LAMA2: variants seen among roughly 807,000 people sequenced by gnomAD.
LAMA2 encodes the protein laminin subunit alpha 2.
Under a neutral mutation model 364.8 loss-of-function variants are expected in LAMA2, and 269 were observed. That is an observed-to-expected ratio of 0.74 (90% CI 0.67 to 0.82). LAMA2 has a LOEUF of 0.82. Ranked by LOEUF, LAMA2 falls within the 40% of genes least tolerant of loss-of-function variation. The pLI, the probability that LAMA2 is intolerant of heterozygous loss-of-function variation, is 0.00. For missense variants in LAMA2, 3,807 were observed against 3,873.2 expected, an observed-to-expected ratio of 0.98 and a Z score of 0.45; for synonymous variants, 1,379 against 1,370.6, an observed-to-expected ratio of 1.01 and a Z score of -0.14.
chr6:129,166,903 T>C (rs1405864378), intron 9 of LAMA2, among the ~76,000 whole-genome samples: 1 of 152,168 alleles, frequency 6.6e-6, no homozygotes, highest in Admixed American at 6.5e-5. Context: ...AATAACACAT[T>C]ATTATATGGT....
At chr6:129,013,565 TG>T (rs1274151581) in intron 1 of LAMA2, among the ~76,000 whole-genome samples, 1 of 152,102 alleles carries the variant, frequency 6.6e-6, no homozygotes, top group Non-Finnish European at 1.5e-5. Context: ...ATAGAAGGTG[TG>T]GGTTAGAGAA....
intron 18 of LAMA2, among the ~76,000 whole-genome samples, chr6:129,281,724 G>A (rs1373683413): frequency 6.6e-6 from 1 of 152,122 alleles, no homozygotes; most frequent in African/African-American, 2.4e-5. Context: ...ATGATTTCCT[G>A]TCTAAAATCT....
intron 7 of LAMA2, among the ~76,000 whole-genome samples, chr6:129,153,998 TTA>T: frequency 6.6e-6 from 1 of 152,320 alleles, no homozygotes; most frequent in East Asian, 1.9e-4. Flanking sequence ...TGAGCTTAAT[TTA>T]TATGTTTTAA....
intron 32 of LAMA2, among the ~76,000 whole-genome samples, chr6:129,359,451 CTG>C (rs1469065595): frequency 6.6e-6 from 1 of 151,600 alleles, no homozygotes; most frequent in African/African-American, 2.4e-5. Flanking sequence ...CTTAATGACT[CTG>C]GAATCAAATT....
rs1449817969 is a variant in LAMA2, at chr6:129,032,524, T to A, written c.113-17394T>A. On this transcript the variant is annotated intron_variant, in intron 1 of 64. Transcript: ENST00000421865. ...TCTAGAATCGGACTAAAGGCAGTAT[T>A]CGTTGAATGTGATCAGAGGACATTG... 2.6e-5 allele frequency among the ~76,000 whole-genome samples: 4 copies of A among 152,176 alleles called. No homozygotes were observed. In the East Asian group the frequency reaches 5.8e-4, roughly 22 times the overall value.
intron 28 of LAMA2, among the ~76,000 whole-genome samples, chr6:129,321,280 G>A (rs1774950257): frequency 6.6e-6 from 1 of 152,132 alleles, no homozygotes; most frequent in Admixed American, 6.5e-5. Flanking sequence ...AATAGGAACA[G>A]TACGACTTAA....
intron 12 of LAMA2, among the ~76,000 whole-genome samples, chr6:129,196,814 G>A (rs569955625): frequency 1.3e-5 from 2 of 152,308 alleles, no homozygotes; most frequent in Admixed American, 6.5e-5. Context: ...TGGCAATGGA[G>A]TAGAACCAGG....
intron 1 of LAMA2, among the ~76,000 whole-genome samples, chr6:128,943,269 C>CAGAGAGAGAGAG (rs6149801): frequency 2.2e-4 from 32 of 143,190 alleles, no homozygotes; most frequent in African/African-American, 8.0e-4. Context: ...TATATATACA[C>CAGAGAGAGAGAG]AGAGAGAGAG....
intron 4 of LAMA2, among the ~76,000 whole-genome samples, chr6:129,138,872 T>A (rs1364274799): frequency 6.6e-6 from 1 of 152,076 alleles, no homozygotes; most frequent in Non-Finnish European, 1.5e-5. Context: ...TTGAGCACTG[T>A]GGTGCTCTAT....
intron 1 of LAMA2, among the ~76,000 whole-genome samples, chr6:129,014,615 G>A (rs994051942): frequency 6.6e-6 from 1 of 152,076 alleles, no homozygotes; most frequent in Non-Finnish European, 1.5e-5. Flanking sequence ...TCTGTACACA[G>A]TGTGCTACAC....
chr6:128,942,697 A>G (rs1404814204), intron 1 of LAMA2, among the ~76,000 whole-genome samples: 1 of 152,164 alleles, frequency 6.6e-6, no homozygotes, highest in Non-Finnish European at 1.5e-5. Flanking sequence ...TGGAATTGTT[A>G]ATATGTAGTC....
intron 1 of LAMA2, among the ~76,000 whole-genome samples, chr6:128,934,553 G>A (rs1779698343): frequency 6.6e-6 from 1 of 151,430 alleles, no homozygotes; most frequent in African/African-American, 2.4e-5. Flanking sequence ...TCAAGGTGGA[G>A]TGCAATGGTG....
chr6:129,147,195 A>G, intron 6 of LAMA2, 147 bp downstream of exon 6: 1 of 701,764 alleles, frequency 1.4e-6, no homozygotes, highest in East Asian at 2.7e-5. Context: ...GGGTGAAATA[A>G]GAGCTGGCAG....
At chr6:129,255,415 A>T (rs1786584354) in intron 14 of LAMA2, among the ~76,000 whole-genome samples, 1 of 147,024 alleles carries the variant, frequency 6.8e-6, no homozygotes, top group Non-Finnish European at 1.5e-5. Flanking sequence ...CAAAAAAAAA[A>T]AAAAAAAAAA....
At chr6:128,975,481 C>T (rs1041277986) in intron 1 of LAMA2, among the ~76,000 whole-genome samples, 1 of 152,010 alleles carries the variant, frequency 6.6e-6, no homozygotes, top group Admixed American at 6.6e-5. Flanking sequence ...ATTTGGAATG[C>T]TTGGAATATA....
intron 12 of LAMA2, among the ~76,000 whole-genome samples, chr6:129,238,576 TGAGA>T (rs1554254279): frequency 0.042 from 2,707 of 64,720 alleles, 44 homozygotes; most frequent in South Asian, 0.11. Flanking sequence ...TGTGTGTGTG[TGAGA>T]GAGAGAGAGA....
intron 14 of LAMA2, among the ~76,000 whole-genome samples, chr6:129,260,079 A>G (rs914949515): frequency 6.6e-6 from 1 of 152,130 alleles, no homozygotes; most frequent in Non-Finnish European, 1.5e-5. Flanking sequence ...TCACTCTGCT[A>G]AAATCACCAG....
chr6:129,135,514 G>C (rs1777739399), intron 4 of LAMA2, among the ~76,000 whole-genome samples: 1 of 152,214 alleles, frequency 6.6e-6, no homozygotes, highest in African/African-American at 2.4e-5. Flanking sequence ...TATCCAGTAA[G>C]TTTGCAAGAA....
At chr6:128,928,981 G>A in intron 1 of LAMA2, 1 of 1,162,294 alleles carries the variant, frequency 8.6e-7, no homozygotes, top group Non-Finnish European at 1.3e-6. Context: ...ACTCATTCCA[G>A]CTCAGAAGGA....
Sources: allele counts gnomAD v4.1 joint callset (sites outside exome capture counted in the v4.1 genomes callset), GRCh38; gene constraint gnomAD v4.1.1; transcripts MANE v1.5; gene names NCBI Gene and HGNC (gene_info 2026-07-23, HGNC 2026-07-21).